The following DNAH17 variants were observed in gnomAD, a reference collection of about 807,000 sequenced individuals.
DNAH17 encodes axonemal beta dynein heavy chain 17.
A neutral mutation model predicts 485.6 loss-of-function variants in DNAH17; 376 were observed. That is an observed-to-expected ratio of 0.77 (90% CI 0.71 to 0.84). The LOEUF is 0.84. Ranked by LOEUF, DNAH17 falls within the 40% of genes least tolerant of loss-of-function variation. The pLI is 0.00. For synonymous variants in DNAH17, 3,031 were observed against 2,405.9 expected (o/e 1.26, Z -7.60); for missense variants, 6,370 against 5,839.3 (o/e 1.09, Z -2.96).
Position 78,571,705 on chromosome 17 carries a change from T to C in DNAH17, c.617A>G (p.Asp206Gly), listed in dbSNP as rs371463774. 1 of 1,613,878 alleles carries C rather than the reference T, an allele frequency of 6.2e-7. No individual in the cohort carries two copies. Among genetic ancestry groups the C allele is most frequent in the Non-Finnish European group, 8.5e-7 (1 of 1,179,818 alleles). ...CTGGGCTGAGTCTTTGCTCAGCACA[T>C]CCCGGATCTGGTGGGACCAGTCGAT... ...TIIDWSHQIR[D>G]VLSKDSAQAL... is the part of the protein sequence containing the mutation. The change falls in exon 4 of 81, where the codon GAT becomes GGT. Residue 206 changes from aspartate (D) to glycine (G), a missense_variant. Asp to Gly is a moderately conservative substitution (Grantham distance 94). Coordinates refer to ENST00000389840, the MANE Select transcript of DNAH17 (RefSeq NM_173628.4).
At position 78,505,364 on chromosome 17, in the gene DNAH17, C is replaced by A. The variant is rs761076407; in HGVS notation, c.4885G>T (p.Val1629Leu). The A allele has an allele frequency of 1.9e-6, 3 of 1,613,996 alleles. No homozygotes were observed. ...TCCTTGCTGTACATTCCCAGGCCCA[C>A]CTTGAGAGGTTTGTCACTGGCATCG... Reference protein sequence around the residue: ...RLDASDKPLKVGLGMYSKEDE... With the variant: ...RLDASDKPLKLGLGMYSKEDE... Residue 1629 changes from valine (V) to leucine (L), a missense_variant, in exon 31 of 81, where the codon GTG becomes TTG. Transcript: ENST00000389840.
rs184693454 is a variant in DNAH17 at position 78,490,788 on chromosome 17, G to A, written c.6729C>T (p.Phe2243=). The A allele has an allele frequency of 1.1e-3, 1,764 of 1,604,160 alleles. 8 individuals are homozygous for A. In the African/African-American group the frequency reaches 0.016, roughly 14 times the overall value. ...IPLNRTMRLV[F]EISHLRTATP... ...TGGCCGTCCTCAGGTGGCTGATTTC[G>A]AACACCAGCCTCATGGTGCGGTTCA... The change falls in exon 44 of 81, where the codon TTC becomes TTT. Residue 2243 remains phenylalanine, a synonymous_variant. Coordinates refer to ENST00000389840, the MANE Select transcript of DNAH17 (RefSeq NM_173628.4).
intron 14 of DNAH17, among the ~76,000 whole-genome samples, chr17:78,554,436 C>CAAAAAAAAAAAAAAAAAAA (rs55701739): frequency 3.1e-5 from 1 of 32,238 alleles, no homozygotes; most frequent in African/African-American, 1.1e-4. Flanking sequence ...GACTCTGTCT[C>CAAAAAAAAAAAAAAAAAAA]AAAAAAAAAA....
In DNAH17 at chr17:78,574,942, A is replaced by G. The variant is rs747141100; in HGVS notation, c.116T>C (p.Leu39Pro). The change falls in exon 2 of 81, where the codon CTG (leucine) becomes CCG (proline). Residue 39 changes from leucine to proline, a missense_variant. By Grantham distance (98) the Leu-to-Pro change is moderately conservative. Transcript: ENST00000389840. ...GGGCTTTTCAAAGAACTCTGTGAAC[A>G]GGGCCACGTTCTCCTCGGCGCCTAT... Reference protein sequence around the residue: ...KLIGAEENVALFTEFFEKPDV... With the variant: ...KLIGAEENVAPFTEFFEKPDV... The G allele has an allele frequency of 1.9e-6, 3 of 1,614,002 alleles. No individual in the cohort carries two copies. The East Asian group carries it at 6.7e-5, about 36-fold the overall frequency.
intron 32 of DNAH17, 92 bp downstream of exon 32, chr17:78,502,794 G>C (rs1466263742): frequency 3.8e-5 from 61 of 1,587,882 alleles, no homozygotes; most frequent in Non-Finnish European, 5.1e-5. Flanking sequence ...GTTTTCCAGG[G>C]GACCACAGTT....
rs139317970 is a variant in DNAH17 at position 78,564,947 on chromosome 17, T to G, written c.1569+1667A>C. Among the ~76,000 whole-genome samples the G allele has an allele frequency of 2.6e-5, 4 of 152,108 alleles. No homozygotes were observed. The East Asian group carries it at 7.7e-4, about 29-fold the overall frequency. ...GGGAAGAGCCTTCTGAGAAAGGGAA[T>G]GTTGCCAGATTCTTTGCTTAGCCAA... On this transcript the variant is annotated intron_variant, in intron 11 of 80. Coordinates refer to ENST00000389840, the MANE Select transcript of DNAH17 (RefSeq NM_173628.4).
intron 79 of DNAH17, 84 bp downstream of exon 79, chr17:78,426,373 C>G (rs1282181892): frequency 7.0e-7 from 1 of 1,427,486 alleles, no homozygotes; most frequent in South Asian, 1.6e-5. Flanking sequence ...CATGCTCCTG[C>G]AGGCTCTAGG....
chr17:78,572,639 G>A, intron 3 of DNAH17, 62 bp downstream of exon 3: 3 of 1,332,154 alleles, frequency 2.3e-6, no homozygotes, highest in South Asian at 2.8e-5. Context: ...GGTGGGGGGT[G>A]GGGGTCAAGC....
At chr17:78,442,785 C>T (rs1413794652) in intron 71 of DNAH17, among the ~76,000 whole-genome samples, 4 of 152,042 alleles carry the variant, frequency 2.6e-5, no homozygotes, top group Non-Finnish European at 5.9e-5. Context: ...TGCTGTGCGT[C>T]AGGGTTTGTG....
chr17:78,504,135 G>A (rs1384291241), intron 31 of DNAH17, among the ~76,000 whole-genome samples: 1 of 151,160 alleles, frequency 6.6e-6, no homozygotes, highest in Non-Finnish European at 1.5e-5. Context: ...GCGTGATCTC[G>A]GCTCACTGCA....
intron 19 of DNAH17, among the ~76,000 whole-genome samples, chr17:78,535,782 G>C (rs7217596): frequency 0.16 from 25,057 of 152,026 alleles, 2,184 homozygotes; most frequent in East Asian, 0.32. Context: ...TCTGTAACTT[G>C]ATAAATGTCT....
In DNAH17 at chr17:78,426,594, G is replaced by T. The variant is rs761981703; in HGVS notation, c.12778C>A (p.Leu4260Met). The change falls in exon 79 of 81, where the codon CTG becomes ATG. Residue 4260 changes from leucine (L) to methionine (M), a missense_variant. Coordinates refer to ENST00000389840, the MANE Select transcript of DNAH17 (RefSeq NM_173628.4). The stretch of plus-strand genomic sequence containing the variant: ...TCTTCCACGTCGGTCGTGATGGTCA[G>T]TTCTCCCTAGGAGACACACAGATGG... Reference protein sequence around the residue: ...KELNLGLKGELTITTDVEDLS... With the variant: ...KELNLGLKGEMTITTDVEDLS... The T allele has an allele frequency of 1.0e-4, 161 of 1,607,416 alleles. No individual in the cohort carries two copies. The highest frequency in any genetic ancestry group is 1.3e-4 in the Non-Finnish European group (158 of 1,176,224).
intron 75 of DNAH17, among the ~76,000 whole-genome samples, chr17:78,431,458 C>CCCG (rs1568041470): frequency 2.0e-5 from 3 of 148,830 alleles, no homozygotes; most frequent in Admixed American, 2.0e-4. Context: ...ACCCCCCACC[C>CCCG]CGAGACTCCT....
At chr17:78,506,483 G>T (rs1251386991) in intron 30 of DNAH17, among the ~76,000 whole-genome samples, 1 of 152,172 alleles carries the variant, frequency 6.6e-6, no homozygotes, top group East Asian at 1.9e-4. Flanking sequence ...GGCACAGAGA[G>T]GCAAATTAAC....
Position 78,486,172 on chromosome 17 carries a change from G to A in DNAH17, c.7102-39C>T, listed in dbSNP as rs543602772. On this transcript the variant is annotated intron_variant, in intron 45 of 80. Transcript: ENST00000389840. ...GAAGTAAAAATCAGGGCCCAGCTAA[G>A]CAGGATGCTGAGAGACCCTGTGTGG... 3.1e-6 allele frequency: 5 copies of A among 1,603,132 alleles called. No homozygotes were observed. The East Asian group carries it at 6.7e-5, about 21-fold the overall frequency.
chr17:78,530,369 C>A lies in DNAH17; in HGVS notation c.3258G>T (p.Arg1086=). 2 of 1,611,504 alleles carry A rather than the reference C, an allele frequency of 1.2e-6. No individual in the cohort carries two copies. The highest frequency in any genetic ancestry group is 1.1e-5 in the South Asian group (1 of 90,996). Residue 1086 remains arginine (R), a synonymous_variant, in exon 21 of 81, where the codon CGG becomes CGT. Coordinates refer to ENST00000389840, the MANE Select transcript of DNAH17 (RefSeq NM_173628.4). ...TIRRWGFMFK[R]HLSNHVTNSL... is the part of the protein sequence containing the mutation. ...TGTTGGTGACGTGGTTGCTCAGGTG[C>A]CGCTTGAACATGAAGCCCCAGCGCC...
intron 27 of DNAH17, among the ~76,000 whole-genome samples, chr17:78,509,269 C>A (rs115003047): frequency 6.6e-6 from 1 of 151,534 alleles, no homozygotes; most frequent in African/African-American, 2.4e-5. Context: ...CCCGGTCCCC[C>A]GCTAATTTTT....
At chr17:78,461,736 A>C in intron 57 of DNAH17, 28 bp from the exon 58 acceptor site, 1 of 1,597,208 alleles carries the variant, frequency 6.3e-7, no homozygotes, top group Non-Finnish European at 8.5e-7. Context: ...GAGAAACAGC[A>C]AGTGTGGGCC....
At chr17:78,487,138 G>T (rs2089646886) in intron 44 of DNAH17, among the ~76,000 whole-genome samples, 1 of 152,162 alleles carries the variant, frequency 6.6e-6, no homozygotes, top group Non-Finnish European at 1.5e-5. Context: ...TGTGGAGGTG[G>T]CCCACCACGG....
Sources: allele counts gnomAD v4.1 joint callset (sites outside exome capture counted in the v4.1 genomes callset), GRCh38; gene constraint gnomAD v4.1.1; transcripts MANE v1.5; gene names NCBI Gene and HGNC (gene_info 2026-07-23, HGNC 2026-07-21).